The following ARRB2 variants were observed in gnomAD, a reference collection of about 807,000 sequenced individuals.
ARRB2 encodes beta-arrestin-2.
A neutral mutation model predicts 53.4 loss-of-function variants in ARRB2; 21 were observed. That is an observed-to-expected ratio of 0.39 (90% confidence interval 0.28 to 0.57). The LOEUF is 0.57. Among genes scored for constraint, ARRB2 ranks in the 20% least tolerant of loss-of-function variants. The pLI is 0.55. For missense variants in ARRB2, 369 were observed against 527.5 expected, an observed-to-expected ratio of 0.70 and a Z score of 2.94; for synonymous variants, 180 against 212.9, an observed-to-expected ratio of 0.85 and a Z score of 1.34.
intron 2 of ARRB2, chr17:4,715,297 C>G (rs1914833494): frequency 1.9e-6 from 1 of 520,906 alleles, no homozygotes; most frequent in East Asian, 3.2e-5. Context: ...AGGCCAAAAG[C>G]AAGCCATGTG....
chr17:4,719,064 G>A (rs1389092932), intron 10 of ARRB2, among the ~76,000 whole-genome samples: 2 of 152,162 alleles, frequency 1.3e-5, no homozygotes, highest in African/African-American at 2.4e-5. Flanking sequence ...GTGAGCCGCC[G>A]CGACCGGCCA....
Position 4,720,681 on chromosome 17 carries a change from G to GT in ARRB2, c.1136+41_1136+42insT, listed in dbSNP as rs776405885. The GT allele has an allele frequency of 2.9e-5, 43 of 1,481,084 alleles. No homozygotes were observed. In the African/African-American group the frequency reaches 5.9e-4, roughly 20 times the overall value. The allele number at this position is 1,481,084 out of a possible 1,614,324, so 91.7% of individuals were successfully genotyped here. On this transcript the variant is annotated intron_variant, in intron 14 of 14. Transcript: ENST00000269260. The stretch of plus-strand genomic sequence containing the variant: ...CCCTACTTGACCCTCTTGGGACAAA[G>GT]ATTCCTATAACATTCAAATCTGCCC...
At position 4,717,659 on chromosome 17, in the gene ARRB2, A is replaced by G. The variant is rs1567683922; in HGVS notation, c.418-26A>G. On this transcript the variant is annotated intron_variant, in intron 6 of 14. Transcript: ENST00000269260. The surrounding 1 kb of genome is among the most constrained non-coding windows in gnomAD (Gnocchi z 6.0). ...GATGGTGGCGGGAGCCTCCGGTAAG[A>G]TGTGGCCTTTTCTCCCCTCCCCGAG... 1.2e-6 allele frequency: 2 copies of G among 1,613,740 alleles called. No homozygotes were observed. The highest frequency in any genetic ancestry group is 2.7e-5 in the African/African-American group (2 of 74,892).
chr17:4,712,403 A>G (rs1914497629), intron 1 of ARRB2, among the ~76,000 whole-genome samples: 1 of 152,236 alleles, frequency 6.6e-6, no homozygotes, highest in South Asian at 2.1e-4. Context: ...TGTAGGGCCA[A>G]AGGCCAGGGT....
Position 4,716,196 on chromosome 17 carries a change from T to C in ARRB2, c.160+5T>C, listed in dbSNP as rs1915011178. 1.9e-6 allele frequency: 3 copies of C among 1,613,960 alleles called. No individual in the cohort carries two copies. The highest frequency in any genetic ancestry group is 2.5e-6 in the Non-Finnish European group (3 of 1,179,992). On this transcript the variant is annotated splice_donor_5th_base_variant and intron_variant, in intron 4 of 14. Coordinates refer to ENST00000269260, the MANE Select transcript of ARRB2 (RefSeq NM_004313.4). The stretch of plus-strand genomic sequence containing the variant: ...ACTACCTGAAGGACCGCAAAGGTAC[T>C]GGCCCCAAGTCCAGGGGGCCCAGGG...
intron 1 of ARRB2, among the ~76,000 whole-genome samples, chr17:4,711,943 C>T (rs1274673892): frequency 6.6e-6 from 1 of 152,238 alleles, no homozygotes; most frequent in Non-Finnish European, 1.5e-5. Context: ...CTGGTCATCC[C>T]CACACTCTGC....
In ARRB2 at chr17:4,720,583, C is replaced by T. The variant is rs1185674121; in HGVS notation, c.1082-3C>T. ...CCCACACCCCCTCTTCCCGTCCCCCCAGCCGCTCCGGAGACAGATGTCCCT... is the reference window on the plus strand; with the variant it reads ...CCCACACCCCCTCTTCCCGTCCCCCTAGCCGCTCCGGAGACAGATGTCCCT... On this transcript the variant is annotated splice_region_variant and splice_polypyrimidine_tract_variant and intron_variant, in intron 13 of 14. Coordinates refer to ENST00000269260, the MANE Select transcript of ARRB2 (RefSeq NM_004313.4). 4 of 1,590,934 alleles carry T rather than the reference C, an allele frequency of 2.5e-6. No homozygotes were observed. Among genetic ancestry groups the T allele is most frequent in the East Asian group, 4.5e-5 (2 of 44,792 alleles).
At chr17:4,715,634 GACAC>G (rs1279759558) in intron 2 of ARRB2, 1 of 370,894 alleles carries the variant, frequency 2.7e-6, no homozygotes, top group Non-Finnish European at 5.0e-6. Flanking sequence ...CCTCCCTGAG[GACAC>G]ACACAGACAC....
chr17:4,716,218 A>C, intron 4 of ARRB2, 27 bp downstream of exon 4: 2 of 1,613,438 alleles, frequency 1.2e-6, no homozygotes, highest in Non-Finnish European at 1.7e-6. Flanking sequence ...CAGGGGGCCC[A>C]GGGAAAGTGG....
In ARRB2 at chr17:4,717,709, C is replaced by A. The variant is rs1915217998; in HGVS notation, c.442C>A (p.Arg148=). Residue 148 remains arginine, a synonymous_variant, in exon 7 of 15, where the codon CGA becomes AGA. Transcript: ENST00000269260. This position sits in a 1 kb window ranked among gnomAD's most constrained non-coding sequence, Gnocchi z 6.0. ...GKACGVDFEI[R]AFCAKSLEEK... ...GGCCTGCGGCGTAGACTTTGAGATT[C>A]GAGCCTTCTGTGCTAAATCACTAGA... 6.2e-7 allele frequency: 1 copy of A among 1,614,012 alleles called. No individual in the cohort carries two copies. Among genetic ancestry groups the A allele is most frequent in the Non-Finnish European group, 8.5e-7 (1 of 1,180,036 alleles).
At position 4,721,251 on chromosome 17, in the gene ARRB2, C is replaced by T; in HGVS notation, c.*212C>T. 2 of 531,720 alleles carry T rather than the reference C, an allele frequency of 3.8e-6. No homozygotes were observed. The highest frequency in any genetic ancestry group is 6.6e-6 in the Non-Finnish European group (2 of 303,770). The allele number at this position is 531,720 out of a possible 1,614,324, so 32.9% of individuals were successfully genotyped here. A position where few individuals can be genotyped will look rare whatever the true frequency, so the allele number is the denominator to read the frequency against. On this transcript the variant is annotated 3_prime_UTR_variant, in exon 15 of 15. Coordinates refer to ENST00000269260, the MANE Select transcript of ARRB2 (RefSeq NM_004313.4). This position sits in a 1 kb window ranked among gnomAD's most constrained non-coding sequence, Gnocchi z 4.2. ...AATGTGGGCATTAATTTTTTGACTG[C>T]AGCTCTGCTTCTCCAGCCCCGCCGT... is the stretch of plus-strand genomic sequence containing the variant.
At chr17:4,719,684 C>T (rs34460792) in intron 11 of ARRB2, among the ~76,000 whole-genome samples, 49 of 152,044 alleles carry the variant, frequency 3.2e-4, no homozygotes, top group African/African-American at 1.2e-3. Context: ...AAGGACCCAG[C>T]GGAAGTAAGC....
intron 9 of ARRB2, 56 bp from the exon 10 acceptor site, chr17:4,718,556 G>T: frequency 6.4e-7 from 1 of 1,567,842 alleles, no homozygotes; most frequent in Non-Finnish European, 8.7e-7. Flanking sequence ...TGGAGTTGTG[G>T]TGTGGTGGTG....
intron 5 of ARRB2, 98 bp downstream of exon 5, chr17:4,716,706 A>C (rs1161068974): frequency 1.4e-6 from 2 of 1,480,696 alleles, no homozygotes; most frequent in Non-Finnish European, 1.8e-6. Context: ...TGGAAGAAAC[A>C]GTGAGGCAGG....
In ARRB2 at chr17:4,717,523, C is replaced by A; in HGVS notation, c.418-162C>A. 1 of 1,027,846 alleles carries A rather than the reference C, an allele frequency of 9.7e-7. No homozygotes were observed. Among genetic ancestry groups the A allele is most frequent in the Non-Finnish European group, 1.4e-6 (1 of 692,998 alleles). 63.7% of individuals were successfully genotyped at this position (1,027,846 alleles called of 1,614,324 possible). On this transcript the variant is annotated intron_variant, in intron 6 of 14. Coordinates refer to ENST00000269260, the MANE Select transcript of ARRB2 (RefSeq NM_004313.4). This position sits in a 1 kb window ranked among gnomAD's most constrained non-coding sequence, Gnocchi z 6.0. ...TTGCACTACCATGACCAAGCCTCTG[C>A]CAGGTTCTGGGCTTTGGAGAGGAAG...
rs188652308 is a variant in ARRB2 at position 4,716,566 on chromosome 17, G to A, written c.315G>A (p.Leu105=). The A allele has an allele frequency of 1.3e-6, 2 of 1,584,540 alleles. No individual in the cohort carries two copies. Among genetic ancestry groups the A allele is most frequent in the Admixed American group, 1.8e-5 (1 of 56,558 alleles). ...PRPPTRLQDR[L]LRKLGQHAHP... is the part of the protein sequence containing the mutation. Reference sequence around the variant, plus strand: ...CCCCCACCCGCCTGCAGGACCGGCTGCTGAGGAAGCTGGGCCAGCATGCCC... The same window carrying A: ...CCCCCACCCGCCTGCAGGACCGGCTACTGAGGAAGCTGGGCCAGCATGCCC... The change falls in exon 5 of 15, where the codon CTG becomes CTA. Residue 105 remains leucine (L), a synonymous_variant. Coordinates refer to ENST00000269260, the MANE Select transcript of ARRB2 (RefSeq NM_004313.4).
At chr17:4,716,738 C>G in intron 5 of ARRB2, 130 bp downstream of exon 5, 1 of 1,434,766 alleles carries the variant, frequency 7.0e-7, no homozygotes, top group East Asian at 2.5e-5. Context: ...CACTTCCCTT[C>G]AGGGTCCCAG....
At chr17:4,715,566 C>T (rs956953627) in intron 2 of ARRB2, 10 of 238,134 alleles carry the variant, frequency 4.2e-5, no homozygotes, top group South Asian at 8.2e-5. Context: ...CACACACACA[C>T]GGACACACAC....
rs1914811802 is a variant in ARRB2 at position 4,715,120 on chromosome 17, A to C, written c.54+77A>C. The C allele has an allele frequency of 7.9e-6, 12 of 1,513,452 alleles. No individual in the cohort carries two copies. The South Asian group carries it at 1.2e-4, about 15-fold the overall frequency. The allele number at this position is 1,513,452 out of a possible 1,614,324, so 93.8% of individuals were successfully genotyped here. A position where few individuals can be genotyped will look rare whatever the true frequency, so the allele number is the denominator to read the frequency against. On this transcript the variant is annotated intron_variant, in intron 2 of 14. Transcript: ENST00000269260. ...CCCAGCCTTCCCCTAGACGATCCCC[A>C]ACCTACCCAAAGATGATCCCCAACC...
Sources: allele counts gnomAD v4.1 joint callset (sites outside exome capture counted in the v4.1 genomes callset), GRCh38; gene constraint gnomAD v4.1.1; non-coding constraint Gnocchi (gnomAD v3.1); transcripts MANE v1.5; gene names NCBI Gene and HGNC (gene_info 2026-07-23, HGNC 2026-07-21).